SPTLC2: variants seen among roughly 807,000 people sequenced by gnomAD.
SPTLC2 encodes serine palmitoyltransferase 2.
SPTLC2 carries 21 observed loss-of-function variants against 62.0 expected under a neutral mutation model. The ratio of observed to expected loss-of-function variants is 0.34; its 90% CI spans 0.24 to 0.49. SPTLC2 has a LOEUF of 0.49. Among genes scored for constraint, SPTLC2 ranks in the 20% least tolerant of loss-of-function variants. The probability of loss-of-function intolerance (pLI) is 0.99; values close to 1 mark genes in which losing one functional copy is unlikely to be tolerated. For synonymous variants in SPTLC2, 261 were observed against 261.8 expected, an observed-to-expected ratio of 1.00 and a Z score of 0.03; for missense variants, 511 against 713.0, an observed-to-expected ratio of 0.72 and a Z score of 3.23.
At position 77,569,883 on chromosome 14, in the gene SPTLC2, T is replaced by C. The variant is rs573802544; in HGVS notation, c.756+501A>G. Reference sequence around the variant, plus strand: ...ATAAATATATAAACACAGGCTGGTCTCAAACTCCTGACCTCAGGTGATCCA... The same window carrying C: ...ATAAATATATAAACACAGGCTGGTCCCAAACTCCTGACCTCAGGTGATCCA... On this transcript the variant is annotated intron_variant, in intron 5 of 11. Transcript: ENST00000216484. Among the ~76,000 whole-genome samples the C allele has an allele frequency of 1.1e-3, 54 of 47,860 alleles. 1 individual carries two copies. The highest frequency in any genetic ancestry group is 0.017 in the Middle Eastern group (2 of 118). 31.4% of individuals were successfully genotyped at this position (47,860 alleles called of 152,430 possible). A position where few individuals can be genotyped will look rare whatever the true frequency, so the allele number is the denominator to read the frequency against.
At chr14:77,613,234 A>C (rs2079947411) in intron 1 of SPTLC2, among the ~76,000 whole-genome samples, 1 of 152,236 alleles carries the variant, frequency 6.6e-6, no homozygotes, top group Non-Finnish European at 1.5e-5. Context: ...TAAAAACAGT[A>C]CAGAATTTTC....
chr14:77,513,895 C>CAAAAAAAAA (rs35769140), intron 11 of SPTLC2, among the ~76,000 whole-genome samples: 1 of 106,248 alleles, frequency 9.4e-6, no homozygotes, highest in Non-Finnish European at 1.8e-5. Context: ...AACTCTGTCT[C>CAAAAAAAAA]AAAAAAAAAA....
chr14:77,555,425 C>T lies in SPTLC2; in HGVS notation c.1051G>A (p.Ala351Thr), dbSNP rs773212643. The T allele has an allele frequency of 6.8e-6, 11 of 1,614,044 alleles. No individual in the cohort carries two copies. Among genetic ancestry groups the T allele is most frequent in the East Asian group, 2.2e-5 (1 of 44,894 alleles). The change falls in exon 8 of 12, where the codon GCC becomes ACC. Residue 351 changes from alanine (A) to threonine (T), a missense_variant. Ala to Thr is a moderately conservative substitution (Grantham distance 58). Transcript: ENST00000216484. ...LYLDEAHSIG[A>T]LGPTGRGVVE... ...ACACCCCGGCCTGTGGGGCCCAGGG[C>T]GCCAATGCTGTGAGCCTCATCCAGA... is the stretch of plus-strand genomic sequence containing the variant.
chr14:77,512,643 A>G (rs2079338246), intron 11 of SPTLC2, among the ~76,000 whole-genome samples: 1 of 152,238 alleles, frequency 6.6e-6, no homozygotes, highest in Non-Finnish European at 1.5e-5. Context: ...AAAGGCTATA[A>G]TTCAAAGTAT....
chr14:77,524,754 G>A (rs568139416), intron 9 of SPTLC2, among the ~76,000 whole-genome samples: 2 of 152,276 alleles, frequency 1.3e-5, no homozygotes, highest in African/African-American at 4.8e-5. Context: ...AGCCAGGCAC[G>A]GAAAGACACG....
At chr14:77,531,583 G>A (rs959083404) in intron 9 of SPTLC2, among the ~76,000 whole-genome samples, 3 of 148,608 alleles carry the variant, frequency 2.0e-5, no homozygotes, top group South Asian at 2.2e-4. Context: ...GCACAATCTC[G>A]GTCCACCGCA....
chr14:77,541,160 C>T (rs537050448), intron 9 of SPTLC2, among the ~76,000 whole-genome samples: 59 of 152,172 alleles, frequency 3.9e-4, no homozygotes, highest in African/African-American at 1.4e-3. Context: ...CCTCAAGTAG[C>T]TGGGACTATA....
intron 1 of SPTLC2, among the ~76,000 whole-genome samples, chr14:77,608,270 G>A (rs2079915691): frequency 1.3e-5 from 2 of 152,044 alleles, no homozygotes; most frequent in Non-Finnish European, 2.9e-5. Context: ...TATAAATTAG[G>A]CTACGGGTTT....
intron 1 of SPTLC2, among the ~76,000 whole-genome samples, chr14:77,603,841 G>A (rs1489497564): frequency 3.3e-5 from 5 of 152,150 alleles, no homozygotes; most frequent in Admixed American, 2.6e-4. Flanking sequence ...CCAAGCCTCC[G>A]CTGTAACACT....
chr14:77,530,886 A>G (rs539309153), intron 9 of SPTLC2, among the ~76,000 whole-genome samples: 2 of 152,340 alleles, frequency 1.3e-5, no homozygotes, highest in African/African-American at 4.8e-5. Context: ...TAGAAGAGGA[A>G]TAAGTGAGTA....
intron 9 of SPTLC2, among the ~76,000 whole-genome samples, chr14:77,525,669 G>C (rs1488142819): frequency 6.6e-6 from 1 of 152,180 alleles, no homozygotes; most frequent in Non-Finnish European, 1.5e-5. Context: ...CCAGCACTTT[G>C]GGAGGCTGAA....
intron 9 of SPTLC2, among the ~76,000 whole-genome samples, chr14:77,531,734 A>G (rs2079442252): frequency 6.6e-6 from 1 of 151,250 alleles, no homozygotes; most frequent in Admixed American, 6.6e-5. Flanking sequence ...CTGGTCTTGA[A>G]CTCCCAACCT....
chr14:77,554,114 A>G (rs72683266), intron 8 of SPTLC2, among the ~76,000 whole-genome samples: 11,791 of 152,260 alleles, frequency 0.077, 639 homozygotes, highest in Admixed American at 0.15. Context: ...TACTGTGCCC[A>G]GCATAACCAT....
At chr14:77,546,869 A>G (rs2079531068) in intron 9 of SPTLC2, among the ~76,000 whole-genome samples, 1 of 152,174 alleles carries the variant, frequency 6.6e-6, no homozygotes, top group Non-Finnish European at 1.5e-5. Flanking sequence ...AGCTGAGATT[A>G]CAGGCATGCG....
chr14:77,591,091 G>A (rs79318673), intron 2 of SPTLC2, among the ~76,000 whole-genome samples: 2,657 of 152,290 alleles, frequency 0.017, 87 homozygotes, highest in African/African-American at 0.06. Context: ...AATCCCTATA[G>A]TAAGTAGAGA....
chr14:77,609,561 C>A (rs1566794820), intron 1 of SPTLC2, among the ~76,000 whole-genome samples: 1 of 152,068 alleles, frequency 6.6e-6, no homozygotes, highest in Non-Finnish European at 1.5e-5. Context: ...CATGGTGAAA[C>A]CCCATCTCTA....
chr14:77,578,604 C>T (rs111442851), intron 3 of SPTLC2, among the ~76,000 whole-genome samples: 5,694 of 151,946 alleles, frequency 0.037, 133 homozygotes, highest in African/African-American at 0.074. Context: ...CCTGTAGTCC[C>T]AGCTACTCGG....
chr14:77,552,766 A>G (rs2079562242), intron 8 of SPTLC2, among the ~76,000 whole-genome samples: 1 of 149,560 alleles, frequency 6.7e-6, no homozygotes, highest in Non-Finnish European at 1.5e-5. Context: ...AGATTGCGCC[A>G]TTGCACTCCA....
At chr14:77,543,395 G>A (rs1381013816) in intron 9 of SPTLC2, among the ~76,000 whole-genome samples, 1 of 152,128 alleles carries the variant, frequency 6.6e-6, no homozygotes. Context: ...GATAAGGAAC[G>A]TAAACACTGT....
Sources: gnomAD v4.1 joint callset for allele counts (sites outside exome capture counted in the v4.1 genomes callset) on GRCh38, gnomAD v4.1.1 for gene constraint, MANE v1.5 for transcripts, NCBI Gene and HGNC (gene_info 2026-07-23, HGNC 2026-07-21) for gene names.